The following SEMA6D variants were observed in gnomAD, a reference collection of about 807,000 sequenced individuals.
The protein encoded by SEMA6D is semaphorin 6D.
A neutral mutation model predicts 106.6 loss-of-function variants in SEMA6D; 35 were observed. The observed-to-expected ratio is 0.33, with a 90% CI of 0.25 to 0.44. The LOEUF (loss-of-function observed/expected upper bound fraction) is 0.44, where lower values mean the gene tolerates loss of function less well. SEMA6D is among the 20% of genes least tolerant of loss of function. The pLI, the probability that SEMA6D is intolerant of heterozygous loss-of-function variation, is 1.00. For missense variants in SEMA6D, 1,185 were observed against 1,345.9 expected, an observed-to-expected ratio of 0.88 and a Z score of 1.87; for synonymous variants, 499 against 487.7, an observed-to-expected ratio of 1.02 and a Z score of -0.31.
At chr15:47,349,693 TA>T (rs2038233165) in intron 1 of SEMA6D, among the ~76,000 whole-genome samples, 2 of 151,756 alleles carry the variant, frequency 1.3e-5, no homozygotes, top group South Asian at 4.2e-4. Context: ...GAGATCATTA[TA>T]AAAAAATATG....
chr15:47,659,888 T>G lies in SEMA6D; in HGVS notation c.-55+58992T>G, dbSNP rs566813903. 6.6e-5 allele frequency among the ~76,000 whole-genome samples: 10 copies of G among 152,222 alleles called. No individual in the cohort carries two copies. In the South Asian group the frequency reaches 2.1e-3, roughly 32 times the overall value. ...TTGATTATACATATTGGTAAGAGTA[T>G]TTGAAAACAGATAACCTCATTTTAA... On this transcript the variant is annotated intron_variant, in intron 4 of 19. Coordinates refer to the SEMA6D transcript ENST00000558014.
At chr15:47,410,974 A>G (rs532036131) in intron 1 of SEMA6D, among the ~76,000 whole-genome samples, 25 of 151,980 alleles carry the variant, frequency 1.6e-4, no homozygotes, top group Admixed American at 4.6e-4. Flanking sequence ...TTTTCTCTCC[A>G]CTTAAATACA....
chr15:47,567,199 T>G (rs1232546248), intron 3 of SEMA6D, among the ~76,000 whole-genome samples: 1 of 152,200 alleles, frequency 6.6e-6, no homozygotes, highest in Non-Finnish European at 1.5e-5. Context: ...GCATATTTGG[T>G]CTGCATTCTC....
intron 1 of SEMA6D, among the ~76,000 whole-genome samples, chr15:47,345,889 C>T (rs2038025994): frequency 6.6e-6 from 1 of 152,088 alleles, no homozygotes; most frequent in Non-Finnish European, 1.5e-5. Context: ...ATGTTCTCAT[C>T]TCGATTATGG....
chr15:47,338,271 G>C (rs1595762832), intron 1 of SEMA6D, among the ~76,000 whole-genome samples: 1 of 152,176 alleles, frequency 6.6e-6, no homozygotes, highest in Non-Finnish European at 1.5e-5. Context: ...TTAACACCTT[G>C]AAAGAGGTTC....
intron 1 of SEMA6D, among the ~76,000 whole-genome samples, chr15:47,388,472 T>A (rs907195495): frequency 6.6e-6 from 1 of 152,138 alleles, no homozygotes; most frequent in African/African-American, 2.4e-5. Context: ...CCTGCCCAGC[T>A]CCATCCTGCC....
intron 1 of SEMA6D, among the ~76,000 whole-genome samples, chr15:47,194,992 C>G (rs1894237468): frequency 6.6e-6 from 1 of 152,128 alleles, no homozygotes; most frequent in Non-Finnish European, 1.5e-5. Context: ...ATAGCATTAC[C>G]TGCCTACTAA....
chr15:47,581,508 A>G (rs1703535921), intron 3 of SEMA6D, among the ~76,000 whole-genome samples: 1 of 152,244 alleles, frequency 6.6e-6, no homozygotes, highest in South Asian at 2.1e-4. Flanking sequence ...CTGAGGTCAC[A>G]TTTGAACTGA....
At chr15:47,409,489 C>G (rs936660161) in intron 1 of SEMA6D, among the ~76,000 whole-genome samples, 3 of 152,198 alleles carry the variant, frequency 2.0e-5, no homozygotes, top group African/African-American at 7.2e-5. Flanking sequence ...ATATGGTAAA[C>G]TCTCTGGACT....
intron 1 of SEMA6D, among the ~76,000 whole-genome samples, chr15:47,404,126 A>T: frequency 6.6e-6 from 1 of 152,200 alleles, no homozygotes; most frequent in East Asian, 1.9e-4. Context: ...AGTGTATCTC[A>T]AAAGGGATAT....
intron 1 of SEMA6D, among the ~76,000 whole-genome samples, chr15:47,232,318 T>A (rs1361985727): frequency 1.3e-5 from 2 of 151,950 alleles, no homozygotes. Flanking sequence ...ACATTTGTGG[T>A]GAATTTTTTT....
At chr15:47,736,573 T>A (rs1449652828) in intron 1 of SEMA6D, among the ~76,000 whole-genome samples, 1 of 152,306 alleles carries the variant, frequency 6.6e-6, no homozygotes, top group Non-Finnish European at 1.5e-5. Context: ...TGGATCGTGG[T>A]GATGTAGGGT....
At chr15:47,526,130 C>A (rs1023830633) in intron 3 of SEMA6D, among the ~76,000 whole-genome samples, 1 of 152,142 alleles carries the variant, frequency 6.6e-6, no homozygotes, top group Non-Finnish European at 1.5e-5. Context: ...TATTTTAATT[C>A]TTCATTTTCA....
intron 1 of SEMA6D, among the ~76,000 whole-genome samples, chr15:47,721,698 A>G (rs2079432778): frequency 6.6e-6 from 1 of 152,204 alleles, no homozygotes; most frequent in Non-Finnish European, 1.5e-5. Context: ...TTGAAAAACA[A>G]CCATTTATGT....
intron 1 of SEMA6D, among the ~76,000 whole-genome samples, chr15:47,234,142 C>CT (rs982101358): frequency 6.6e-6 from 1 of 151,822 alleles, no homozygotes; most frequent in Non-Finnish European, 1.5e-5. Flanking sequence ...TTGAAAATGT[C>CT]TGACATATTT....
chr15:47,549,000 T>C (rs1175368148), intron 3 of SEMA6D, among the ~76,000 whole-genome samples: 1 of 152,046 alleles, frequency 6.6e-6, no homozygotes, highest in Non-Finnish European at 1.5e-5. Flanking sequence ...TTAAGCCACC[T>C]CATGAGTTAC....
At chr15:47,390,360 G>A (rs749262942) in intron 1 of SEMA6D, among the ~76,000 whole-genome samples, 11 of 152,108 alleles carry the variant, frequency 7.2e-5, no homozygotes, top group Non-Finnish European at 1.3e-4. Context: ...ACATAGCTGA[G>A]CCCAAACTAA....
intron 4 of SEMA6D, among the ~76,000 whole-genome samples, chr15:47,680,317 A>G (rs2078327869): frequency 6.6e-6 from 1 of 152,058 alleles, no homozygotes; most frequent in South Asian, 2.1e-4. Flanking sequence ...CTGTCTTCCT[A>G]GATATACTTT....
At chr15:47,247,753 A>AAT in intron 1 of SEMA6D, among the ~76,000 whole-genome samples, 1 of 152,200 alleles carries the variant, frequency 6.6e-6, no homozygotes, top group African/African-American at 2.4e-5. Flanking sequence ...TTTGATTCTA[A>AAT]ATATGTGAGA....
Sources: gnomAD v4.1 joint callset for allele counts (sites outside exome capture counted in the v4.1 genomes callset) on GRCh38, gnomAD v4.1.1 for gene constraint, MANE v1.5 for transcripts, NCBI Gene and HGNC (gene_info 2026-07-23, HGNC 2026-07-21) for gene names.